The following LEPROTL1 variants were observed in gnomAD, a reference collection of about 807,000 sequenced individuals.
The protein encoded by LEPROTL1 is leptin receptor overlapping transcript like 1.
A neutral mutation model predicts 15.4 loss-of-function variants in LEPROTL1; 6 were observed. The observed-to-expected ratio is 0.39, with a 90% CI of 0.21 to 0.77. LEPROTL1 has a LOEUF of 0.77. LEPROTL1 is among the 30% of genes least tolerant of loss of function. LEPROTL1 has a pLI of 0.41. For missense variants in LEPROTL1, 128 were observed against 158.1 expected, an observed-to-expected ratio of 0.81 and a Z score of 1.02; for synonymous variants, 56 against 52.6, an observed-to-expected ratio of 1.06 and a Z score of -0.28.
Position 30,107,884 on chromosome 8 carries a change from T to C in LEPROTL1, c.*2022T>C. ...ACAGCTGCGTATTATTTCTATATAC[T>C]AACTGCATTGGCAGCATTGTGTCTT... is the stretch of plus-strand genomic sequence containing the variant. On this transcript the variant is annotated 3_prime_UTR_variant, in exon 4 of 4. Coordinates refer to ENST00000321250, the MANE Select transcript of LEPROTL1 (RefSeq NM_015344.3). 7.1e-6 allele frequency: 7 copies of C among 985,174 alleles called. No homozygotes were observed. The highest frequency in any genetic ancestry group is 7.2e-6 in the Non-Finnish European group (6 of 829,656). 61.0% of individuals were successfully genotyped at this position (985,174 alleles called of 1,614,324 possible). A position where few individuals can be genotyped will look rare whatever the true frequency, so the allele number is the denominator to read the frequency against.
At chr8:30,112,124 C>T (rs1013338370), downstream of LEPROTL1, among the ~76,000 whole-genome samples, 1 of 152,140 alleles carries the variant, frequency 6.6e-6, no homozygotes, top group East Asian at 1.9e-4. Context: ...GAACACAGAT[C>T]CAAACTGGTT....
chr8:30,117,012 C>T (rs560574900), intron 3 of LEPROTL1, among the ~76,000 whole-genome samples: 4 of 152,194 alleles, frequency 2.6e-5, no homozygotes, highest in Non-Finnish European at 5.9e-5. Context: ...AAAAACCATA[C>T]ATTTGGTGAT....
chr8:30,135,750 CA>C (rs1585484578), intron 4 of LEPROTL1, among the ~76,000 whole-genome samples: 1 of 151,428 alleles, frequency 6.6e-6, no homozygotes, highest in Admixed American at 6.6e-5. Context: ...CCCGTTTCTA[CA>C]AAAAATATGA....
At chr8:30,129,344 ACTTAGTATTAT>A (rs1293636793) in intron 3 of LEPROTL1, among the ~76,000 whole-genome samples, 1 of 152,144 alleles carries the variant, frequency 6.6e-6, no homozygotes, top group Admixed American at 6.5e-5. Flanking sequence ...ATAACTTCTA[ACTTAGTATTAT>A]CTTTGCGAAG....
rs1363884274 is a variant in LEPROTL1 at position 30,104,238 on chromosome 8, A to G, written c.93-62A>G. 13 of 1,007,532 alleles carry G rather than the reference A, an allele frequency of 1.3e-5. No homozygotes were observed. The East Asian group carries it at 3.3e-4, about 25-fold the overall frequency. 62.4% of individuals were successfully genotyped at this position (1,007,532 alleles called of 1,614,324 possible). A position where few individuals can be genotyped will look rare whatever the true frequency, so the allele number is the denominator to read the frequency against. On this transcript the variant is annotated intron_variant, in intron 2 of 3. Transcript: ENST00000321250. ...TGAATCTTGATTTTTTAAAAAGACC[A>G]TATTTTGTGTGTAGGAAAATGACAT...
chr8:30,106,443 A>G lies in LEPROTL1; in HGVS notation c.*581A>G. 1 of 985,848 alleles carries G rather than the reference A, an allele frequency of 1.0e-6. No homozygotes were observed. Among genetic ancestry groups the G allele is most frequent in the Non-Finnish European group, 1.2e-6 (1 of 829,908 alleles). The allele number at this position is 985,848 out of a possible 1,614,324, so 61.1% of individuals were successfully genotyped here. On this transcript the variant is annotated 3_prime_UTR_variant, in exon 4 of 4. Transcript: ENST00000321250. Reference sequence around the variant, plus strand: ...TCAGAGGGGCCAAGTGTTAATGCCCATGCCCTCCGTTAAGGGTTGTTGGTT... The same window carrying G: ...TCAGAGGGGCCAAGTGTTAATGCCCGTGCCCTCCGTTAAGGGTTGTTGGTT...
At chr8:30,124,876 C>T (rs1464966933) in intron 3 of LEPROTL1, among the ~76,000 whole-genome samples, 1 of 152,146 alleles carries the variant, frequency 6.6e-6, no homozygotes, top group Non-Finnish European at 1.5e-5. Flanking sequence ...AATGTTCTTT[C>T]TACAGGGAAA....
chr8:30,137,737 A>G (rs1438151101), downstream of LEPROTL1: 1 of 531,088 alleles, frequency 1.9e-6, no homozygotes, highest in Non-Finnish European at 3.4e-6. Context: ...ACAGTTTAAA[A>G]CAAAGACAAT....
chr8:30,097,698 T>TATACACAC (rs748266837), intron 1 of LEPROTL1, among the ~76,000 whole-genome samples: 3 of 108,798 alleles, frequency 2.8e-5, no homozygotes, highest in Non-Finnish European at 5.3e-5. Context: ...TATATATATA[T>TATACACAC]ACACACACAC....
chr8:30,130,605 A>G (rs1373443404), intron 3 of LEPROTL1, among the ~76,000 whole-genome samples: 1 of 152,116 alleles, frequency 6.6e-6, no homozygotes, highest in African/African-American at 2.4e-5. Flanking sequence ...AGTCATATTA[A>G]AATAGTGTTT....
downstream of LEPROTL1, among the ~76,000 whole-genome samples, chr8:30,109,017 C>G (rs1802615403): frequency 7.6e-6 from 1 of 132,354 alleles, no homozygotes; most frequent in South Asian, 2.8e-4. Flanking sequence ...ACCACCACAA[C>G]CCCCCTCAAA....
At chr8:30,102,075 A>C in intron 2 of LEPROTL1, 102 bp downstream of exon 2, 1 of 641,170 alleles carries the variant, frequency 1.6e-6, no homozygotes, top group Admixed American at 3.1e-5. Context: ...AATGCAGAGA[A>C]ATGTTCACTT....
chr8:30,117,776 C>T, intron 3 of LEPROTL1: 2 of 814,478 alleles, frequency 2.5e-6, no homozygotes, highest in South Asian at 2.9e-5. Flanking sequence ...TTCATGCGCA[C>T]CATTGTGGCG....
rs1802556549 is a variant in LEPROTL1 at position 30,105,865 on chromosome 8, A to C, written c.*3A>C. 1.3e-6 allele frequency: 2 copies of C among 1,534,316 alleles called. No individual in the cohort carries two copies. Among genetic ancestry groups the C allele is most frequent in the Admixed American group, 2.2e-5 (1 of 45,334 alleles). ...ACTTCAGCTGGCAGCAGTGGTGAAA[A>C]GAAATTACTGAACTATTGTCAAATG... On this transcript the variant is annotated 3_prime_UTR_variant, in exon 4 of 4. Transcript: ENST00000321250.
At chr8:30,122,150 G>C (rs1164597257) in intron 3 of LEPROTL1, among the ~76,000 whole-genome samples, 3 of 150,630 alleles carry the variant, frequency 2.0e-5, no homozygotes, top group Admixed American at 2.0e-4. Context: ...CTGGGCAACA[G>C]AGCGAGACTC....
intron 3 of LEPROTL1, among the ~76,000 whole-genome samples, chr8:30,123,421 C>T (rs1048395122): frequency 2.0e-5 from 3 of 152,204 alleles, no homozygotes; most frequent in African/African-American, 4.8e-5. Context: ...TCTGCCACAA[C>T]AATATTGAGT....
intron 4 of LEPROTL1, among the ~76,000 whole-genome samples, chr8:30,135,913 G>GGAA (rs528437068): frequency 3.1e-5 from 4 of 128,896 alleles, no homozygotes; most frequent in Non-Finnish European, 6.3e-5. Flanking sequence ...GACCTTGTCT[G>GGAA]AAAAAAAAAA....
Position 30,095,437 on chromosome 8 carries a change from G to C in LEPROTL1, c.-76G>C, listed in dbSNP as rs567730515. The C allele has an allele frequency of 1.4e-6, 2 of 1,418,202 alleles. No individual in the cohort carries two copies. The highest frequency in any genetic ancestry group is 1.5e-5 in the African/African-American group (1 of 66,982). The allele number at this position is 1,418,202 out of a possible 1,614,324, so 87.9% of individuals were successfully genotyped here. The stretch of plus-strand genomic sequence containing the variant: ...TTCCGGGTGTTGTCTGGCCGCCGTA[G>C]CGCGTCTTGGGTCTCCCGGCTGCCG... On this transcript the variant is annotated 5_prime_UTR_variant, in exon 1 of 4. Coordinates refer to ENST00000321250, the MANE Select transcript of LEPROTL1 (RefSeq NM_015344.3).
At chr8:30,109,626 CTGAG>C (rs1350229303), downstream of LEPROTL1, among the ~76,000 whole-genome samples, 2 of 152,108 alleles carry the variant, frequency 1.3e-5, no homozygotes, top group Admixed American at 6.5e-5. Flanking sequence ...TTTCATACAA[CTGAG>C]TATTTGTTTC....
Sources: allele counts gnomAD v4.1 joint callset (sites outside exome capture counted in the v4.1 genomes callset), GRCh38; gene constraint gnomAD v4.1.1; transcripts MANE v1.5; gene names NCBI Gene and HGNC (gene_info 2026-07-23, HGNC 2026-07-21).